SYT1: variants seen among roughly 807,000 people sequenced by gnomAD.
SYT1 encodes the protein synaptotagmin-1.
SYT1 carries 8 observed loss-of-function variants against 44.8 expected under a neutral mutation model. That is an observed-to-expected ratio of 0.18 (90% CI 0.10 to 0.32). The LOEUF is 0.32. SYT1 is among the 10% of genes least tolerant of loss of function. The probability of loss-of-function intolerance (pLI) is 1.00; values close to 1 mark genes in which losing one functional copy is unlikely to be tolerated. For synonymous variants in SYT1, 154 were observed against 188.8 expected (o/e 0.82, Z 1.51); for missense variants, 286 against 509.3 (o/e 0.56, Z 4.22).
At chr12:79,071,300 A>G (rs1876256314) in intron 3 of SYT1, among the ~76,000 whole-genome samples, 1 of 152,152 alleles carries the variant, frequency 6.6e-6, no homozygotes, top group Non-Finnish European at 1.5e-5. Context: ...TTTCTATGCC[A>G]GACACTATTA....
chr12:78,974,153 TACA>T (rs1040977177), intron 1 of SYT1, among the ~76,000 whole-genome samples: 4 of 150,238 alleles, frequency 2.7e-5, no homozygotes, highest in Admixed American at 6.6e-5. Context: ...TCAAAACCAG[TACA>T]ACATGTTACT....
chr12:79,143,421 C>G (rs776357138), intron 3 of SYT1, among the ~76,000 whole-genome samples: 4 of 152,132 alleles, frequency 2.6e-5, no homozygotes, highest in Non-Finnish European at 5.9e-5. Flanking sequence ...GAAGTTTAGT[C>G]TTTCTTTGGC....
intron 3 of SYT1, among the ~76,000 whole-genome samples, chr12:79,054,029 A>C (rs1398318515): frequency 6.6e-6 from 1 of 152,114 alleles, no homozygotes; most frequent in Non-Finnish European, 1.5e-5. Context: ...TCAGCTGTTT[A>C]GTAGGCATTG....
At chr12:79,232,024 T>G (rs975201977) in intron 4 of SYT1, among the ~76,000 whole-genome samples, 3 of 152,222 alleles carry the variant, frequency 2.0e-5, no homozygotes, top group African/African-American at 7.2e-5. Context: ...AAATTCTGAC[T>G]CTACCATTAC....
chr12:78,949,233 A>AACATAAT (rs1365928868), intron 1 of SYT1, among the ~76,000 whole-genome samples: 1 of 151,658 alleles, frequency 6.6e-6, no homozygotes, highest in Non-Finnish European at 1.5e-5. Flanking sequence ...TGTACCATAG[A>AACATAAT]ACATAATTTT....
chr12:79,006,084 G>A (rs937368633), intron 2 of SYT1, among the ~76,000 whole-genome samples: 5 of 152,150 alleles, frequency 3.3e-5, no homozygotes, highest in Admixed American at 3.3e-4. Flanking sequence ...AAAGTTTAGA[G>A]AGGCTTCTCA....
chr12:79,296,870 G>C (rs1448861086), intron 7 of SYT1, among the ~76,000 whole-genome samples: 2 of 152,046 alleles, frequency 1.3e-5, no homozygotes, highest in Non-Finnish European at 2.9e-5. Context: ...ATGTCCTGCA[G>C]GTCTCCAGGA....
intron 9 of SYT1, among the ~76,000 whole-genome samples, chr12:79,385,522 C>A (rs1884402750): frequency 6.6e-6 from 1 of 151,974 alleles, no homozygotes; most frequent in South Asian, 2.1e-4. Flanking sequence ...AAATTGTCAG[C>A]CACAATTAAA....
At chr12:78,875,475 A>G (rs1421785532) in intron 1 of SYT1, among the ~76,000 whole-genome samples, 2 of 151,658 alleles carry the variant, frequency 1.3e-5, no homozygotes, top group African/African-American at 4.8e-5. Context: ...AAGGAAAAGG[A>G]GCCAGCCCTG....
intron 1 of SYT1, among the ~76,000 whole-genome samples, chr12:78,940,446 G>T (rs1157958922): frequency 1.3e-5 from 2 of 152,172 alleles, no homozygotes; most frequent in Non-Finnish European, 2.9e-5. Flanking sequence ...CTACAGTGCA[G>T]TGGCCCAATC....
intron 3 of SYT1, among the ~76,000 whole-genome samples, chr12:79,165,294 G>C (rs1257875040): frequency 6.6e-6 from 1 of 151,850 alleles, no homozygotes; most frequent in Non-Finnish European, 1.5e-5. Flanking sequence ...TAATTACATA[G>C]CTTATGTGGT....
At chr12:78,864,659 G>T (rs1873430770), upstream of SYT1, 1 of 152,470 alleles carries the variant, frequency 6.6e-6, no homozygotes, top group Admixed American at 6.5e-5. Flanking sequence ...CAGCGTACCC[G>T]AGGTGGAGCC....
Position 79,451,651 on chromosome 12 carries a change from C to A in SYT1, c.*2527C>A, listed in dbSNP as rs1871065008. ...GTCAGTGATGGAACCTGCTTTATGA[C>A]CAAGATTCATCCTCAAATAAGCCAC... On this transcript the variant is annotated 3_prime_UTR_variant, in exon 11 of 11. Transcript: ENST00000261205. 6.6e-6 allele frequency: 1 copy of A among 152,216 alleles called. No homozygotes were observed. Among genetic ancestry groups the A allele is most frequent in the African/African-American group, 2.4e-5 (1 of 41,466 alleles). 9.4% of individuals were successfully genotyped at this position (152,216 alleles called of 1,614,324 possible). A position where few individuals can be genotyped will look rare whatever the true frequency, so the allele number is the denominator to read the frequency against.
At chr12:79,061,351 A>T (rs73353526) in intron 3 of SYT1, among the ~76,000 whole-genome samples, 46 of 152,268 alleles carry the variant, frequency 3.0e-4, no homozygotes, top group African/African-American at 1.1e-3. Context: ...AATACACAGC[A>T]TTATCCTCTA....
chr12:79,157,018 G>C (rs932352238), intron 3 of SYT1, among the ~76,000 whole-genome samples: 1 of 152,110 alleles, frequency 6.6e-6, no homozygotes, highest in Non-Finnish European at 1.5e-5. Context: ...GGGAGGAAAA[G>C]AGGAGGAGGG....
chr12:78,875,756 G>A (rs774285486), intron 1 of SYT1, among the ~76,000 whole-genome samples: 74 of 151,532 alleles, frequency 4.9e-4, no homozygotes, highest in Non-Finnish European at 8.6e-4. Context: ...TTTTTATGGC[G>A]ACAATCATAG....
chr12:79,230,604 C>T (rs4842446), intron 4 of SYT1, among the ~76,000 whole-genome samples: 108,621 of 151,996 alleles, frequency 0.71, 39,363 homozygotes, highest in African/African-American at 0.8. Flanking sequence ...ATTCTCTATT[C>T]AAGGTGGAAT....
chr12:79,444,482 G>C (rs1352713381), intron 10 of SYT1, among the ~76,000 whole-genome samples: 3 of 152,098 alleles, frequency 2.0e-5, no homozygotes, highest in Admixed American at 2.0e-4. Flanking sequence ...AACTCAAAAA[G>C]TGCATCTATA....
At chr12:79,417,810 A>G (rs953254119) in intron 9 of SYT1, among the ~76,000 whole-genome samples, 6 of 144,922 alleles carry the variant, frequency 4.1e-5, no homozygotes, top group African/African-American at 1.5e-4. Context: ...CCCCCACTTC[A>G]ACCTGGAGAA....
Sources: gnomAD v4.1 joint callset for allele counts (sites outside exome capture counted in the v4.1 genomes callset) on GRCh38, gnomAD v4.1.1 for gene constraint, MANE v1.5 for transcripts, NCBI Gene and HGNC (gene_info 2026-07-23, HGNC 2026-07-21) for gene names.